Variants in COL21A1 observed in about 807,000 individuals in gnomAD.
The protein encoded by COL21A1 is collagen alpha-1(XXI) chain.
In COL21A1, 149 loss-of-function variants were observed where a neutral mutation model predicts 137.9. That is an observed-to-expected ratio of 1.08 (90% CI 0.95 to 1.24). The LOEUF is 1.24. COL21A1 is among the 50% of genes most tolerant of loss of function. COL21A1 has a pLI of 0.00. For missense variants in COL21A1, 1,167 were observed against 1,158.4 expected, an observed-to-expected ratio of 1.01 and a Z score of -0.11; for synonymous variants, 456 against 391.5, an observed-to-expected ratio of 1.16 and a Z score of -1.95.
chr6:56,305,510 T>A (rs1582768763), intron 1 of COL21A1, among the ~76,000 whole-genome samples: 3 of 152,342 alleles, frequency 2.0e-5, no homozygotes, highest in African/African-American at 7.2e-5. Context: ...TCTTTTTTGA[T>A]CTTTGTTGGT....
At chr6:56,311,536 C>T (rs1764614610) in intron 1 of COL21A1, among the ~76,000 whole-genome samples, 1 of 152,214 alleles carries the variant, frequency 6.6e-6, no homozygotes, top group South Asian at 2.1e-4. Flanking sequence ...TGTAGTACCA[C>T]TCCAGATTTT....
At chr6:56,191,765 G>T (rs1170600545) in intron 1 of COL21A1, among the ~76,000 whole-genome samples, 2 of 152,102 alleles carry the variant, frequency 1.3e-5, no homozygotes, top group African/African-American at 2.4e-5. Flanking sequence ...TGGGAAAACA[G>T]TCCATGCTCA....
intron 1 of COL21A1, among the ~76,000 whole-genome samples, chr6:56,288,738 T>G (rs868525616): frequency 6.6e-6 from 1 of 152,140 alleles, no homozygotes; most frequent in Non-Finnish European, 1.5e-5. Context: ...AATGATTAGC[T>G]GCCATTCACG....
intron 3 of COL21A1, among the ~76,000 whole-genome samples, chr6:56,179,359 CTT>C (rs1469666785): frequency 6.6e-6 from 1 of 151,908 alleles, no homozygotes; most frequent in Non-Finnish European, 1.5e-5. Context: ...AGATTTGTAA[CTT>C]ATTTCTAAAA....
intron 1 of COL21A1, among the ~76,000 whole-genome samples, chr6:56,207,728 C>T (rs1040140253): frequency 6.6e-6 from 1 of 151,908 alleles, no homozygotes; most frequent in Non-Finnish European, 1.5e-5. Flanking sequence ...AGAGACACAA[C>T]AAAAAAAGAA....
At chr6:56,275,034 G>C (rs1763609899) in intron 1 of COL21A1, among the ~76,000 whole-genome samples, 2 of 152,062 alleles carry the variant, frequency 1.3e-5, no homozygotes, top group Admixed American at 6.6e-5. Flanking sequence ...AAATGGAACA[G>C]AATAGAGAAC....
intron 2 of COL21A1, 112 bp from the exon 3 acceptor site, chr6:56,180,241 T>C: frequency 3.6e-6 from 3 of 843,068 alleles, no homozygotes; most frequent in East Asian, 2.7e-5. Context: ...TTATTTTAAA[T>C]TGTCTGTGAA....
chr6:56,233,508 G>A (rs1352189832), intron 1 of COL21A1, among the ~76,000 whole-genome samples: 2 of 151,726 alleles, frequency 1.3e-5, no homozygotes, highest in African/African-American at 2.4e-5. Context: ...AATGGATATA[G>A]TTGAAGATGG....
intron 1 of COL21A1, among the ~76,000 whole-genome samples, chr6:56,390,971 T>G (rs1470724408): frequency 1.3e-5 from 2 of 152,124 alleles, no homozygotes. Context: ...ACCAAATGGA[T>G]CTAATAGACA....
Position 56,060,890 on chromosome 6 carries a change from CG to C in COL21A1, c.2352del (p.Gly785GlufsTer16). ...PQGPPGLDGK[P>X]GREFSEQFIR... ...AACTGTGAAAGAAGCAGAATACATA[CG>C]GGCTTCCCATCCAAACCTGGGGGTC... is the stretch of plus-strand genomic sequence containing the variant. On this transcript the variant is annotated frameshift_variant and splice_region_variant, in exon 26 of 30. Coordinates refer to ENST00000244728, the MANE Select transcript of COL21A1 (RefSeq NM_030820.4). LOFTEE classifies it high-confidence loss of function. The C allele has an allele frequency of 1.3e-6, 2 of 1,581,830 alleles. No homozygotes were observed. The highest frequency in any genetic ancestry group is 1.7e-6 in the Non-Finnish European group (2 of 1,169,216).
chr6:56,256,985 T>C (rs957343542), intron 1 of COL21A1, among the ~76,000 whole-genome samples: 19 of 152,274 alleles, frequency 1.2e-4, no homozygotes, highest in African/African-American at 4.3e-4. Flanking sequence ...ATACAGACTC[T>C]GATGAATCTT....
intron 3 of COL21A1, among the ~76,000 whole-genome samples, chr6:56,172,630 AATATT>A (rs1273587518): frequency 6.6e-6 from 1 of 152,276 alleles, no homozygotes; most frequent in Admixed American, 6.5e-5. Flanking sequence ...ACAGACACAC[AATATT>A]ATAATACTGT....
Position 56,153,610 on chromosome 6 carries a change from T to C in COL21A1, c.1434+3277A>G, listed in dbSNP as rs566806366. Among the ~76,000 whole-genome samples the C allele has an allele frequency of 1.2e-4, 18 of 152,258 alleles. No homozygotes were observed. In the South Asian group the frequency reaches 3.7e-3, roughly 32 times the overall value. ...ATTTTTCTTATCTCCCTCTCTGTGC[T>C]TAATTCATTTCAATCTGTTGTTTGT... On this transcript the variant is annotated intron_variant, in intron 10 of 29. Transcript: ENST00000244728.
intron 12 of COL21A1, among the ~76,000 whole-genome samples, chr6:56,130,052 G>A (rs1226707101): frequency 6.6e-6 from 1 of 150,734 alleles, no homozygotes; most frequent in Non-Finnish European, 1.5e-5. Context: ...GCTCAATGGT[G>A]TGGTGGAATG....
At position 56,168,168 on chromosome 6, in the gene COL21A1, G is replaced by T. The variant is rs769729072; in HGVS notation, c.1156C>A (p.Gln386Lys). The change falls in exon 6 of 30, where the codon CAA (glutamine) becomes AAA (lysine). Residue 386 changes from glutamine to lysine, a missense_variant. Physicochemically the swap from Gln to Lys is moderately conservative, Grantham distance 53. Transcript: ENST00000244728. Reference sequence around the variant, plus strand: ...CCAGAATATTTTCCAATTTGGGTTTGCCCATTGATCAAGATCCCTAAAACT... The same window carrying T: ...CCAGAATATTTTCCAATTTGGGTTTTCCCATTGATCAAGATCCCTAAAACT... ...HPVLGILINGQTQIGKYSGKE... is the reference protein window; with the variant it reads ...HPVLGILINGKTQIGKYSGKE... 19 of 1,541,792 alleles carry T rather than the reference G, an allele frequency of 1.2e-5. No homozygotes were observed. The highest frequency in any genetic ancestry group is 1.9e-5 in the Admixed American group (1 of 51,388).
intron 1 of COL21A1, among the ~76,000 whole-genome samples, chr6:56,218,005 CTTCACATAT>C (rs1780598394): frequency 6.6e-6 from 1 of 152,080 alleles, no homozygotes; most frequent in Non-Finnish European, 1.5e-5. Context: ...ACCTCAAGAG[CTTCACATAT>C]TATGACACAC....
At chr6:56,228,095 G>T (rs1258237584) in intron 1 of COL21A1, among the ~76,000 whole-genome samples, 2 of 151,936 alleles carry the variant, frequency 1.3e-5, no homozygotes, top group East Asian at 1.9e-4. Flanking sequence ...GAATGATGGG[G>T]CAGGTACTCA....
At chr6:56,098,420 T>G (rs1294130240) in intron 17 of COL21A1, among the ~76,000 whole-genome samples, 1 of 5,640 alleles carries the variant, frequency 1.8e-4, no homozygotes, top group Non-Finnish European at 2.6e-4. Context: ...TATAAATATA[T>G]AAATATATAA....
At chr6:56,239,782 T>C (rs1041807393) in intron 1 of COL21A1, among the ~76,000 whole-genome samples, 11 of 152,166 alleles carry the variant, frequency 7.2e-5, no homozygotes, top group African/African-American at 2.7e-4. Context: ...AAAATTTACA[T>C]GATGCCAATG....
Sources: allele counts gnomAD v4.1 joint callset (sites outside exome capture counted in the v4.1 genomes callset), GRCh38; gene constraint gnomAD v4.1.1; transcripts MANE v1.5; gene names NCBI Gene and HGNC (gene_info 2026-07-23, HGNC 2026-07-21).